LARP1B: variants seen among roughly 807,000 people sequenced by gnomAD.
LARP1B encodes the protein la-related protein 1B.
In LARP1B, 76 loss-of-function variants were observed where a neutral mutation model predicts 114.2. The observed-to-expected ratio is 0.67, with a 90% CI of 0.55 to 0.81. The LOEUF is 0.81. LARP1B is among the 30% of genes least tolerant of loss of function. The probability of loss-of-function intolerance (pLI) is 0.00; values close to 1 mark genes in which losing one functional copy is unlikely to be tolerated. For missense variants in LARP1B, 1,014 were observed against 1,075.8 expected (o/e 0.94, Z 0.80); for synonymous variants, 345 against 348.0 (o/e 0.99, Z 0.10).
chr4:128,192,848 T>G (rs376902642), intron 15 of LARP1B, among the ~76,000 whole-genome samples: 7 of 151,854 alleles, frequency 4.6e-5, no homozygotes, highest in East Asian at 3.8e-4. Flanking sequence ...TTTTTTTAAA[T>G]TAGAGACAGA....
Position 128,211,786 on chromosome 4 carries a change from A to G in LARP1B, c.*1733A>G. The G allele has an allele frequency of 1.2e-6, 1 of 868,600 alleles. No homozygotes were observed. The highest frequency in any genetic ancestry group is 5.4e-5 in the South Asian group (1 of 18,556). The allele number at this position is 868,600 out of a possible 1,614,324, so 53.8% of individuals were successfully genotyped here. On this transcript the variant is annotated 3_prime_UTR_variant, in exon 20 of 20. Transcript: ENST00000326639. ...AACCTGTATTTAACCAGATATTTCT[A>G]CTCAACTGAATATACAAGTGTAAAT...
chr4:128,121,738 A>C, intron 10 of LARP1B, 88 bp from the exon 11 acceptor site: 1 of 902,482 alleles, frequency 1.1e-6, no homozygotes, highest in Non-Finnish European at 1.6e-6. Flanking sequence ...TAAAAGCTTG[A>C]TATTACTTAC....
chr4:128,088,757 G>A (rs1469531035), intron 5 of LARP1B, among the ~76,000 whole-genome samples: 1 of 152,064 alleles, frequency 6.6e-6, no homozygotes, highest in Non-Finnish European at 1.5e-5. Context: ...TTTTGTAAGT[G>A]TACTTGTATG....
At chr4:128,074,811 T>C in intron 2 of LARP1B, 123 bp from the exon 3 acceptor site, 1 of 623,960 alleles carries the variant, frequency 1.6e-6, no homozygotes, top group Non-Finnish European at 2.8e-6. Context: ...ATTTGGCAGA[T>C]GCCTGCATAT....
intron 12 of LARP1B, among the ~76,000 whole-genome samples, chr4:128,168,283 T>TTA (rs1429382427): frequency 4.6e-4 from 70 of 152,124 alleles, no homozygotes; most frequent in African/African-American, 1.6e-3. Flanking sequence ...TGTTAGTTTT[T>TTA]TTTTTAAAAA....
chr4:128,093,031 G>C, intron 7 of LARP1B: 1 of 985,382 alleles, frequency 1.0e-6, no homozygotes, highest in Non-Finnish European at 1.2e-6. Flanking sequence ...GAGCCTCTAA[G>C]GTAGGACTTG....
At chr4:128,214,201 T>G (rs890532136), downstream of LARP1B, among the ~76,000 whole-genome samples, 5 of 132,944 alleles carry the variant, frequency 3.8e-5, no homozygotes, top group African/African-American at 1.4e-4. Context: ...GAGATCAAAC[T>G]GCAAGGTGGC....
At chr4:128,098,037 CCTAT>C in intron 7 of LARP1B, 145 bp from the exon 8 acceptor site, 1 of 525,576 alleles carries the variant, frequency 1.9e-6, no homozygotes, top group East Asian at 3.0e-5. Flanking sequence ...ATATGTTTAC[CCTAT>C]CTGTGTTGTA....
intron 11 of LARP1B, among the ~76,000 whole-genome samples, chr4:128,130,483 CAAT>C (rs752099025): frequency 5.3e-5 from 8 of 152,158 alleles, no homozygotes; most frequent in East Asian, 1.9e-4. Flanking sequence ...GTAAAAACAA[CAAT>C]GAGATACTAC....
chr4:128,206,102 C>A (rs995554951), intron 17 of LARP1B, among the ~76,000 whole-genome samples: 3 of 152,058 alleles, frequency 2.0e-5, no homozygotes, highest in Non-Finnish European at 4.4e-5. Flanking sequence ...ACCAGCCTGG[C>A]CAACATGGTG....
chr4:128,104,697 C>T (rs193293267), intron 8 of LARP1B, among the ~76,000 whole-genome samples: 10 of 152,254 alleles, frequency 6.6e-5, no homozygotes, highest in Admixed American at 4.6e-4. Context: ...CCACTCACCT[C>T]GGCCTCCCAA....
chr4:128,169,524 A>T (rs891222565), intron 12 of LARP1B, among the ~76,000 whole-genome samples: 1 of 151,934 alleles, frequency 6.6e-6, no homozygotes, highest in South Asian at 2.1e-4. Context: ...ATTTTTTTGA[A>T]ATCTAATTTT....
chr4:128,171,699 G>A (rs1743816162), intron 12 of LARP1B, among the ~76,000 whole-genome samples: 1 of 152,144 alleles, frequency 6.6e-6, no homozygotes, highest in African/African-American at 2.4e-5. Flanking sequence ...AGTTGGCTAT[G>A]ATTTATAGTT....
chr4:128,121,052 A>G lies in LARP1B; in HGVS notation c.1162-774A>G, dbSNP rs1024272095. On this transcript the variant is annotated intron_variant, in intron 10 of 19. Transcript: ENST00000326639. ...TCTTGAACTCCTGACCTTGTGATCC[A>G]CCCGCCTCAGCGTCCCAAAGTGCTG... is the stretch of plus-strand genomic sequence containing the variant. 4.8e-5 allele frequency among the ~76,000 whole-genome samples: 7 copies of G among 146,612 alleles called. No individual in the cohort carries two copies. In the South Asian group the frequency reaches 1.3e-3, roughly 27 times the overall value.
At chr4:128,198,743 A>G (rs1399497118) in intron 15 of LARP1B, among the ~76,000 whole-genome samples, 1 of 152,228 alleles carries the variant, frequency 6.6e-6, no homozygotes, top group Non-Finnish European at 1.5e-5. Context: ...ATGTTTTAGG[A>G]AGATAACTTT....
intron 9 of LARP1B, among the ~76,000 whole-genome samples, chr4:128,113,901 G>A (rs1295688118): frequency 6.7e-6 from 1 of 149,394 alleles, no homozygotes; most frequent in Non-Finnish European, 1.5e-5. Context: ...ATTCTCCTGC[G>A]TCAGCCTCCT....
chr4:128,156,067 A>G, intron 11 of LARP1B: 1 of 1,590,590 alleles, frequency 6.3e-7, no homozygotes, highest in Non-Finnish European at 8.6e-7. Flanking sequence ...ACCCTCCCTA[A>G]CTCCTTTCAC....
At chr4:128,115,232 G>A (rs1284269901) in intron 10 of LARP1B, among the ~76,000 whole-genome samples, 27 of 152,100 alleles carry the variant, frequency 1.8e-4, no homozygotes, top group Admixed American at 1.8e-3. Flanking sequence ...CACTGCACCC[G>A]GCCTTAAAGT....
chr4:128,123,336 T>A (rs1169961446), intron 11 of LARP1B: 1 of 985,310 alleles, frequency 1.0e-6, no homozygotes, highest in African/African-American at 1.7e-5. Flanking sequence ...TGAAAGTCTT[T>A]CCTAGTGTAA....
Sources: allele counts gnomAD v4.1 joint callset (sites outside exome capture counted in the v4.1 genomes callset), GRCh38; gene constraint gnomAD v4.1.1; transcripts MANE v1.5; gene names NCBI Gene and HGNC (gene_info 2026-07-23, HGNC 2026-07-21).